The following PLCG2 variants were observed in gnomAD, a reference collection of about 807,000 sequenced individuals.
PLCG2 encodes 1-phosphatidylinositol 4,5-bisphosphate phosphodiesterase gamma-2.
In PLCG2, 69 loss-of-function variants were observed where a neutral mutation model predicts 175.6. The observed-to-expected ratio is 0.39, with a 90% CI of 0.32 to 0.48. PLCG2 has a LOEUF of 0.48. PLCG2 is among the 20% of genes least tolerant of loss of function. PLCG2 has a pLI of 0.91. For missense variants in PLCG2, 1,798 were observed against 1,650.9 expected (o/e 1.09, Z -1.54); for synonymous variants, 827 against 624.0 (o/e 1.33, Z -4.85).
intron 31 of PLCG2, among the ~76,000 whole-genome samples, chr16:81,948,220 C>T (rs1220112260): frequency 1.5e-5 from 2 of 135,698 alleles, no homozygotes; most frequent in Non-Finnish European, 3.5e-5. Context: ...TTGTTCTCTG[C>T]AAGTAAATAG....
intron 15 of PLCG2, among the ~76,000 whole-genome samples, chr16:81,905,861 T>C (rs4306503): frequency 0.93 from 140,828 of 152,038 alleles, 65,297 homozygotes; most frequent in East Asian, 0.97. Flanking sequence ...GATTTAGTCG[T>C]GTTGCCCAGG....
intron 2 of PLCG2, among the ~76,000 whole-genome samples, chr16:81,848,182 A>G (rs1222922184): frequency 5.9e-5 from 9 of 152,252 alleles, no homozygotes; most frequent in Admixed American, 5.9e-4. Flanking sequence ...CCACACAAAT[A>G]TCATCAACTG....
rs113818545 is a variant in PLCG2 at position 81,942,675 on chromosome 16, A to T, written c.3481+2616A>T. ...GAAAGGGGTTTTATCTTTGGTTTTA[A>T]AATTCTGAGCACTTTGAGGCCGAGA... On this transcript the variant is annotated intron_variant, in intron 30 of 32. Transcript: ENST00000564138. 8.0e-3 allele frequency among the ~76,000 whole-genome samples: 1,220 copies of T among 152,182 alleles called. 24 individuals are homozygous for T. Among genetic ancestry groups the T allele is most frequent in the African/African-American group, 0.028 (1,170 of 41,522 alleles).
At chr16:81,911,130 C>T (rs1263026394) in intron 18 of PLCG2, among the ~76,000 whole-genome samples, 1 of 152,008 alleles carries the variant, frequency 6.6e-6, no homozygotes. Flanking sequence ...CAAGGTAGGT[C>T]TTGCGAAGGG....
At chr16:81,846,811 A>T (rs570436862) in intron 2 of PLCG2, among the ~76,000 whole-genome samples, 2 of 152,228 alleles carry the variant, frequency 1.3e-5, no homozygotes, top group Non-Finnish European at 2.9e-5. Flanking sequence ...CACCTCAGAG[A>T]AAGGAAAAAT....
At chr16:81,852,555 C>G (rs1217708166) in intron 2 of PLCG2, among the ~76,000 whole-genome samples, 1 of 152,056 alleles carries the variant, frequency 6.6e-6, no homozygotes, top group Non-Finnish European at 1.5e-5. Flanking sequence ...GGAGGAGTCA[C>G]CTTTGAGTCA....
intron 23 of PLCG2, 50 bp downstream of exon 23, chr16:81,927,228 C>T (rs765113131): frequency 6.4e-6 from 8 of 1,255,414 alleles, no homozygotes; most frequent in African/African-American, 1.5e-5. Context: ...TCTGCAGGTC[C>T]AGTTTTTCAG....
chr16:81,892,038 C>G (rs117406804), intron 11 of PLCG2, among the ~76,000 whole-genome samples: 10 of 152,136 alleles, frequency 6.6e-5, no homozygotes, highest in African/African-American at 1.9e-4. Context: ...GGAGGAAGAC[C>G]TCCATTGAAA....
intron 1 of PLCG2, among the ~76,000 whole-genome samples, chr16:81,781,480 C>T (rs1310479749): frequency 6.6e-6 from 1 of 151,898 alleles, no homozygotes; most frequent in Non-Finnish European, 1.5e-5. Flanking sequence ...GTACATATTG[C>T]ATCTTTGTGC....
In PLCG2 at chr16:81,961,287, A is replaced by G. The variant is rs749284917; in HGVS notation, c.*3289A>G. The G allele has an allele frequency of 8.9e-6, 2 of 225,648 alleles. No homozygotes were observed. The highest frequency in any genetic ancestry group is 1.8e-5 in the Non-Finnish European group (2 of 113,490). 14.0% of individuals were successfully genotyped at this position (225,648 alleles called of 1,614,324 possible). A position where few individuals can be genotyped will look rare whatever the true frequency, so the allele number is the denominator to read the frequency against. Reference sequence around the variant, plus strand: ...AAATTGAAAACGGAAAATAGAATTGATGATGAACTTTGGCTCAATCTTAAG... The same window carrying G: ...AAATTGAAAACGGAAAATAGAATTGGTGATGAACTTTGGCTCAATCTTAAG... On this transcript the variant is annotated 3_prime_UTR_variant, in exon 33 of 33. Coordinates refer to ENST00000564138, the MANE Select transcript of PLCG2 (RefSeq NM_002661.5).
At chr16:81,934,675 C>T (rs1056129601) in intron 26 of PLCG2, 144 bp downstream of exon 26, 2 of 641,400 alleles carry the variant, frequency 3.1e-6, no homozygotes, top group South Asian at 1.9e-5. Context: ...GGTTTGTCCT[C>T]CGAGTGAGGG....
At chr16:81,905,539 G>T (rs368769675) in intron 15 of PLCG2, 32 bp downstream of exon 15, 1 of 1,461,022 alleles carries the variant, frequency 6.8e-7, no homozygotes, top group African/African-American at 1.4e-5. Context: ...TAGCCACTGC[G>T]GCCACGCCCC....
Position 81,912,732 on chromosome 16 carries a change from G to C in PLCG2, c.2054+16G>C. 6.3e-6 allele frequency: 10 copies of C among 1,583,982 alleles called. No homozygotes were observed. Among genetic ancestry groups the C allele is most frequent in the Non-Finnish European group, 8.6e-6 (10 of 1,165,954 alleles). On this transcript the variant is annotated intron_variant, in intron 19 of 32. Transcript: ENST00000564138. ...TCACCTTCAGGTGGGTGCGAGGGTG[G>C]GAGGCACATGCTCTACAGAGGGGCT...
Position 81,880,950 on chromosome 16 carries a change from T to G in PLCG2, c.689T>G (p.Leu230Arg). 6.2e-7 allele frequency: 1 copy of G among 1,614,114 alleles called. No individual in the cohort carries two copies. The highest frequency in any genetic ancestry group is 8.5e-7 in the Non-Finnish European group (1 of 1,179,918). The change falls in exon 8 of 33, where the codon CTG becomes CGG. Residue 230 changes from leucine (L) to arginine (R), a missense_variant. Coordinates refer to ENST00000564138, the MANE Select transcript of PLCG2 (RefSeq NM_002661.5). The part of the protein sequence containing the change: ...EFKKDSSVFI[L>R]GNTDRPDASA... ...AAAAAGGATTCGTCCGTGTTCATCC[T>G]GGGGTGAGGCAGCTCTTGTGTGTCG...
At chr16:81,927,240 G>T in intron 23 of PLCG2, 62 bp downstream of exon 23, 2 of 1,135,354 alleles carry the variant, frequency 1.8e-6, no homozygotes, top group East Asian at 4.7e-5. Flanking sequence ...GTTTTTCAGG[G>T]AGCTGTGCCA....
intron 2 of PLCG2, among the ~76,000 whole-genome samples, chr16:81,834,843 C>A (rs149880129): frequency 6.6e-6 from 1 of 152,322 alleles, no homozygotes; most frequent in South Asian, 2.1e-4. Context: ...TTTATTTGTT[C>A]CTTTGGTCTT....
intron 1 of PLCG2, among the ~76,000 whole-genome samples, chr16:81,751,135 C>T (rs950441551): frequency 6.6e-6 from 1 of 151,800 alleles, no homozygotes; most frequent in Admixed American, 6.6e-5. Context: ...TGCATTCCAC[C>T]ATGCCCAGCT....
rs1910963157 is a variant in PLCG2, at chr16:81,786,181, C to T, written c.192C>T (p.Phe64=). The T allele has an allele frequency of 6.2e-7, 1 of 1,613,372 alleles. No homozygotes were observed. The highest frequency in any genetic ancestry group is 8.5e-7 in the Non-Finnish European group (1 of 1,179,650). The change falls in exon 2 of 33, where the codon TTC becomes TTT. Residue 64 remains phenylalanine, a splice_region_variant and synonymous_variant. Transcript: ENST00000564138. ...AGACCGCTGACAAGATCGAGGGCTT[C>T]TGTGAGTACTCGCTGGGTGGGGCAG... ...WSKTADKIEG[F]LDIMEIKEIR... is the part of the protein sequence containing the mutation.
intron 5 of PLCG2, among the ~76,000 whole-genome samples, chr16:81,863,548 C>G (rs1324967404): frequency 6.6e-6 from 1 of 152,218 alleles, no homozygotes; most frequent in Admixed American, 6.5e-5. Flanking sequence ...CTTTAAATTC[C>G]TCTGTGTATA....
Sources: gnomAD v4.1 joint callset for allele counts (sites outside exome capture counted in the v4.1 genomes callset) on GRCh38, gnomAD v4.1.1 for gene constraint, MANE v1.5 for transcripts, NCBI Gene and HGNC (gene_info 2026-07-23, HGNC 2026-07-21) for gene names.